Variants in PDE10A observed in about 807,000 individuals in gnomAD.
The protein encoded by PDE10A is cAMP and cAMP-inhibited cGMP 3',5'-cyclic phosphodiesterase 10A.
In PDE10A, 39 loss-of-function variants were observed where a neutral mutation model predicts 97.7. The observed-to-expected ratio is 0.40, with a 90% confidence interval of 0.31 to 0.52. The LOEUF (loss-of-function observed/expected upper bound fraction) is 0.52, where lower values mean the gene tolerates loss of function less well. PDE10A is among the 20% of genes least tolerant of loss of function. The pLI, the probability that PDE10A is intolerant of heterozygous loss-of-function variation, is 0.56. For synonymous variants in PDE10A, 371 were observed against 376.8 expected, an observed-to-expected ratio of 0.98 and a Z score of 0.18; for missense variants, 731 against 1,047.8, an observed-to-expected ratio of 0.70 and a Z score of 4.17.
chr6:165,739,048 A>G (rs1158035242), intron 1 of PDE10A, among the ~76,000 whole-genome samples: 1 of 152,206 alleles, frequency 6.6e-6, no homozygotes, highest in Admixed American at 6.5e-5. Flanking sequence ...AATTAATGTT[A>G]AAATATCCAT....
chr6:165,931,003 T>C (rs1001441560), intron 1 of PDE10A, among the ~76,000 whole-genome samples: 1 of 152,240 alleles, frequency 6.6e-6, no homozygotes, highest in Non-Finnish European at 1.5e-5. Context: ...GCATTGACGA[T>C]GCCTGTTAGG....
intron 1 of PDE10A, among the ~76,000 whole-genome samples, chr6:165,830,688 G>T (rs1468732050): frequency 1.3e-5 from 2 of 152,072 alleles, no homozygotes; most frequent in Non-Finnish European, 2.9e-5. Context: ...GATTATGAAC[G>T]GGAGATGTTC....
At chr6:165,825,671 C>T (rs1169224898) in intron 1 of PDE10A, among the ~76,000 whole-genome samples, 1 of 152,196 alleles carries the variant, frequency 6.6e-6, no homozygotes, top group African/African-American at 2.4e-5. Flanking sequence ...AGTTACCCAG[C>T]TTCCAAGGAG....
intron 10 of PDE10A, among the ~76,000 whole-genome samples, chr6:165,422,334 T>TAC (rs892652002): frequency 2.7e-5 from 3 of 109,786 alleles, no homozygotes; most frequent in Middle Eastern, 4.7e-3. Context: ...CACACAGGCA[T>TAC]ACACACACAC....
In PDE10A at chr6:165,662,016, C is replaced by T. The variant is rs756668583; in HGVS notation, c.796G>A (p.Asp266Asn). 8 of 1,505,364 alleles carry T rather than the reference C, an allele frequency of 5.3e-6. No individual in the cohort carries two copies. Among genetic ancestry groups the T allele is most frequent in the African/African-American group, 1.4e-5 (1 of 69,980 alleles). The allele number at this position is 1,505,364 out of a possible 1,614,324, so 93.3% of individuals were successfully genotyped here. A position where few individuals can be genotyped will look rare whatever the true frequency, so the allele number is the denominator to read the frequency against. ...AAAAALLFGS[D>N]MEDGPSNNAS... ...TTATTAGAAGGTCCATCTTCCATGT[C>T]GGAGCCGAAGAGCAGCGCGGCCGCG... Residue 266 changes from aspartate (D) to asparagine (N), a missense_variant, in exon 1 of 22, where the codon GAC becomes AAC. This residue lies in a region of PDE10A where 181 missense variants were observed against 159.1 expected (regional missense o/e 1.14). Coordinates refer to ENST00000539869, the MANE Select transcript of PDE10A (RefSeq NM_001385079.1).
chr6:165,645,337 G>A (rs551696289), intron 1 of PDE10A, among the ~76,000 whole-genome samples: 28 of 152,138 alleles, frequency 1.8e-4, no homozygotes, highest in Non-Finnish European at 3.2e-4. Context: ...ACTCCTGCCT[G>A]CTGCAGTCAC....
chr6:165,607,455 A>G (rs1414736735), intron 1 of PDE10A, among the ~76,000 whole-genome samples: 1 of 152,192 alleles, frequency 6.6e-6, no homozygotes, highest in African/African-American at 2.4e-5. Flanking sequence ...GTACAGTGAC[A>G]TGCTGCATAG....
chr6:165,551,051 G>C (rs79024091), intron 1 of PDE10A, among the ~76,000 whole-genome samples: 2,583 of 152,174 alleles, frequency 0.017, 67 homozygotes, highest in African/African-American at 0.059. Context: ...AAAAGAAAAC[G>C]TATCTTGTGT....
chr6:165,468,686 A>G (rs923151883), intron 3 of PDE10A, among the ~76,000 whole-genome samples: 5 of 152,242 alleles, frequency 3.3e-5, no homozygotes, highest in African/African-American at 4.8e-5. Context: ...AGGGGAACAG[A>G]TAAACAAGAA....
At chr6:165,958,761 G>GAAAGAAAGA (rs1425030829) in intron 1 of PDE10A, among the ~76,000 whole-genome samples, 1 of 149,794 alleles carries the variant, frequency 6.7e-6, no homozygotes, top group African/African-American at 2.5e-5. Flanking sequence ...AAGAAAGAAA[G>GAAAGAAAGA]AAAGAAGAAA....
intron 4 of PDE10A, among the ~76,000 whole-genome samples, 162 bp from the exon 5 acceptor site, chr6:165,449,139 A>G (rs1791086999): frequency 6.6e-6 from 1 of 152,236 alleles, no homozygotes; most frequent in African/African-American, 2.4e-5. Flanking sequence ...GGCTTTACTT[A>G]ATAGCATAAT....
intron 6 of PDE10A, among the ~76,000 whole-genome samples, chr6:165,434,101 C>T (rs1466067056): frequency 1.3e-5 from 2 of 149,806 alleles, no homozygotes; most frequent in Non-Finnish European, 3.0e-5. Flanking sequence ...TCTTCAATTT[C>T]TACTGTCTGT....
intron 1 of PDE10A, among the ~76,000 whole-genome samples, chr6:165,731,793 C>T (rs1163970551): frequency 6.6e-6 from 1 of 152,098 alleles, no homozygotes; most frequent in African/African-American, 2.4e-5. Context: ...TAAGTTAGGT[C>T]AGCAGAAATT....
intron 1 of PDE10A, among the ~76,000 whole-genome samples, chr6:165,886,303 C>A: frequency 6.6e-6 from 1 of 150,576 alleles, no homozygotes; most frequent in African/African-American, 2.4e-5. Context: ...AGCCCTGGAG[C>A]CCTGGACCCC....
chr6:165,333,217 G>A (rs896626138), intron 21 of PDE10A, 90 bp from the exon 22 acceptor site: 2 of 813,758 alleles, frequency 2.5e-6, no homozygotes, highest in African/African-American at 3.3e-5. Flanking sequence ...CTGTGGCACA[G>A]CTCTGCACAA....
chr6:165,416,326 C>T (rs1291927117), intron 11 of PDE10A, 45 bp from the exon 12 acceptor site: 13 of 1,183,070 alleles, frequency 1.1e-5, no homozygotes, highest in Non-Finnish European at 1.5e-5. Context: ...AATATGGACT[C>T]TGTAGAATAA....
chr6:165,860,844 C>G (rs1236191226), intron 1 of PDE10A, among the ~76,000 whole-genome samples: 3 of 152,322 alleles, frequency 2.0e-5, no homozygotes, highest in Non-Finnish European at 4.4e-5. Context: ...CCAATGCACA[C>G]AGAGGACCTG....
intron 1 of PDE10A, among the ~76,000 whole-genome samples, chr6:165,603,730 T>C (rs189738694): frequency 6.6e-6 from 1 of 152,336 alleles, no homozygotes; most frequent in Non-Finnish European, 1.5e-5. Flanking sequence ...CCTAATGGTA[T>C]TGAAAATGGA....
chr6:165,605,081 C>G (rs1787144683), intron 1 of PDE10A, among the ~76,000 whole-genome samples: 2 of 152,118 alleles, frequency 1.3e-5, no homozygotes, highest in South Asian at 4.2e-4. Flanking sequence ...ATGTCTTTAT[C>G]AAATTTCATT....
Sources: allele counts gnomAD v4.1 joint callset (sites outside exome capture counted in the v4.1 genomes callset), GRCh38; gene constraint gnomAD v4.1.1; regional missense constraint gnomAD v4.1.1; transcripts MANE v1.5; gene names NCBI Gene and HGNC (gene_info 2026-07-23, HGNC 2026-07-21).